NKAIN2: variants seen among roughly 807,000 people sequenced by gnomAD.
NKAIN2 encodes the protein sodium/potassium transporting ATPase interacting 2, also known as sodium/potassium-transporting ATPase subunit beta-1-interacting protein 2.
A neutral mutation model predicts 32.6 loss-of-function variants in NKAIN2; 14 were observed. That is an observed-to-expected ratio of 0.43 (90% CI 0.28 to 0.67). The LOEUF (loss-of-function observed/expected upper bound fraction) is 0.67. NKAIN2 is among the 30% of genes least tolerant of loss of function. NKAIN2 has a pLI of 0.17. For synonymous variants in NKAIN2, 80 were observed against 87.2 expected (o/e 0.92, Z 0.46); for missense variants, 198 against 258.3 (o/e 0.77, Z 1.60).
At chr6:123,883,700 AGGCAATTTAAAAAAGAGGTACAT>A (rs1773572584) in intron 1 of NKAIN2, among the ~76,000 whole-genome samples, 4 of 150,246 alleles carry the variant, frequency 2.7e-5, no homozygotes, top group African/African-American at 7.3e-5. Context: ...ATTACCGGCC[AGGCAATTTAAAAAAGAGGTACAT>A]TTTAAAAAAA....
At chr6:123,910,437 G>T (rs1203507422) in intron 1 of NKAIN2, among the ~76,000 whole-genome samples, 3 of 147,650 alleles carry the variant, frequency 2.0e-5, no homozygotes, top group Non-Finnish European at 4.5e-5. Context: ...TGTATTTTTA[G>T]ATATCTTATG....
At chr6:124,096,698 CA>C (rs555758655) in intron 1 of NKAIN2, among the ~76,000 whole-genome samples, 7,350 of 147,684 alleles carry the variant, frequency 0.05, 478 homozygotes, top group African/African-American at 0.15. Flanking sequence ...ACTAAAAATA[CA>C]AAAAAAAAAT....
intron 1 of NKAIN2, among the ~76,000 whole-genome samples, chr6:123,989,175 T>C (rs1290669385): frequency 2.0e-5 from 3 of 152,144 alleles, no homozygotes; most frequent in Non-Finnish European, 2.9e-5. Flanking sequence ...AATAAAACAA[T>C]AATTTGTTTG....
rs1181155203 is a variant in NKAIN2 at position 124,754,682 on chromosome 6, G to A, written c.475-36657G>A. 2.0e-5 allele frequency among the ~76,000 whole-genome samples: 3 copies of A among 152,182 alleles called. No homozygotes were observed. In the East Asian group the frequency reaches 5.8e-4, roughly 29 times the overall value. On this transcript the variant is annotated intron_variant, in intron 4 of 6. Coordinates refer to ENST00000368417, the MANE Select transcript of NKAIN2 (RefSeq NM_001040214.3). ...GAGAAAAAAGAAGGCTTATACACTT[G>A]GTGGGAGTGCAAATTAATTCAATCA...
chr6:124,036,889 G>T (rs966801998), intron 1 of NKAIN2, among the ~76,000 whole-genome samples: 23 of 152,054 alleles, frequency 1.5e-4, no homozygotes, highest in African/African-American at 5.6e-4. Context: ...CTAAAATTTA[G>T]AACCTTAAAA....
At chr6:124,115,724 T>C (rs1005113603) in intron 1 of NKAIN2, among the ~76,000 whole-genome samples, 1 of 152,122 alleles carries the variant, frequency 6.6e-6, no homozygotes, top group African/African-American at 2.4e-5. Flanking sequence ...TAAGACACCA[T>C]CAGTTACACC....
At chr6:124,136,470 G>C (rs1287197370) in intron 1 of NKAIN2, among the ~76,000 whole-genome samples, 1 of 152,030 alleles carries the variant, frequency 6.6e-6, no homozygotes, top group Non-Finnish European at 1.5e-5. Context: ...TATTCCAAAA[G>C]ATGGGGATAG....
At chr6:124,498,154 A>G (rs1242278489) in intron 3 of NKAIN2, among the ~76,000 whole-genome samples, 1 of 152,146 alleles carries the variant, frequency 6.6e-6, no homozygotes, top group Non-Finnish European at 1.5e-5. Flanking sequence ...AAGTTATCCA[A>G]GAGTTACTTA....
intron 3 of NKAIN2, among the ~76,000 whole-genome samples, chr6:124,385,763 C>T (rs76637720): frequency 0.012 from 1,880 of 152,202 alleles, 17 homozygotes; most frequent in Non-Finnish European, 0.019. Context: ...GATCTACCCC[C>T]TCTCAAATGC....
intron 3 of NKAIN2, among the ~76,000 whole-genome samples, chr6:124,405,819 A>C (rs1773832335): frequency 6.6e-6 from 1 of 152,216 alleles, no homozygotes; most frequent in African/African-American, 2.4e-5. Flanking sequence ...CTGGATTCGG[A>C]AATATAAGAC....
intron 3 of NKAIN2, among the ~76,000 whole-genome samples, chr6:124,433,430 T>A (rs1775302283): frequency 6.6e-6 from 1 of 152,186 alleles, no homozygotes. Context: ...CTTGTCTCAT[T>A]TTCTGTCACC....
At chr6:124,166,715 C>G (rs1328725253) in intron 1 of NKAIN2, among the ~76,000 whole-genome samples, 1 of 151,674 alleles carries the variant, frequency 6.6e-6, no homozygotes, top group African/African-American at 2.4e-5. Context: ...GGAAGGGATC[C>G]AGTTTCAGCT....
Position 124,282,563 on chromosome 6 carries a change from T to C in NKAIN2, c.55-442T>C, listed in dbSNP as rs141768667. Among the ~76,000 whole-genome samples the C allele has an allele frequency of 1.3e-3, 198 of 152,314 alleles. 2 individuals carry two copies. Among genetic ancestry groups the C allele is most frequent in the African/African-American group, 4.4e-3 (183 of 41,572 alleles). The stretch of plus-strand genomic sequence containing the variant: ...CTTGCTAAAGGGTTCTTGCTACAAC[T>C]CTTGCTAAAGATTTCTTTTTCCTCC... On this transcript the variant is annotated intron_variant, in intron 1 of 6. Coordinates refer to ENST00000368417, the MANE Select transcript of NKAIN2 (RefSeq NM_001040214.3).
In NKAIN2 at chr6:124,492,570, G is replaced by A. The variant is rs537541294; in HGVS notation, c.273+137223G>A. 1.3e-4 allele frequency among the ~76,000 whole-genome samples: 20 copies of A among 151,860 alleles called. No homozygotes were observed. The South Asian group carries it at 2.7e-3, about 20-fold the overall frequency. On this transcript the variant is annotated intron_variant, in intron 3 of 6. Coordinates refer to ENST00000368417, the MANE Select transcript of NKAIN2 (RefSeq NM_001040214.3). ...ATTAGGACTAAAGTCAGATTTCTCA[G>A]GACTAGATAGATAATTTATAACTGA...
chr6:123,835,039 T>C lies in NKAIN2; in HGVS notation c.54+30785T>C, dbSNP rs145104172. The stretch of plus-strand genomic sequence containing the variant: ...TAGTCTTTTGTTTTCTTGTATTGTC[T>C]GTATCTGGTTTGGGTATTAGCACAG... On this transcript the variant is annotated intron_variant, in intron 1 of 6. Transcript: ENST00000368417. Among the ~76,000 whole-genome samples the C allele has an allele frequency of 3.6e-3, 543 of 152,344 alleles. 5 individuals carry two copies. The highest frequency in any genetic ancestry group is 7.8e-3 in the African/African-American group (326 of 41,584).
intron 1 of NKAIN2, among the ~76,000 whole-genome samples, chr6:124,255,954 C>T (rs1047677440): frequency 1.3e-5 from 2 of 152,182 alleles, no homozygotes. Flanking sequence ...CCTTTGCAAT[C>T]ATAAAGGAGC....
intron 1 of NKAIN2, among the ~76,000 whole-genome samples, chr6:124,008,911 G>C (rs1022107): frequency 0.91 from 137,807 of 152,264 alleles, 62,654 homozygotes; most frequent in East Asian, 0.98. Context: ...ACAAACAGTA[G>C]AATTGTGTGT....
chr6:124,296,963 A>G (rs1390600153), intron 2 of NKAIN2, among the ~76,000 whole-genome samples: 1 of 152,180 alleles, frequency 6.6e-6, no homozygotes, highest in African/African-American at 2.4e-5. Context: ...AACCAGCACT[A>G]AGACACTGAA....
chr6:124,778,167 G>C (rs1472267360), intron 4 of NKAIN2, among the ~76,000 whole-genome samples: 1 of 152,104 alleles, frequency 6.6e-6, no homozygotes, highest in Non-Finnish European at 1.5e-5. Flanking sequence ...GAGCTCTGAT[G>C]CTGTGGTAAT....
Sources: gnomAD v4.1 joint callset for allele counts (sites outside exome capture counted in the v4.1 genomes callset) on GRCh38, gnomAD v4.1.1 for gene constraint, MANE v1.5 for transcripts, NCBI Gene and HGNC (gene_info 2026-07-23, HGNC 2026-07-21) for gene names.